BLTP3B: variants seen among roughly 807,000 people sequenced by gnomAD.
The protein encoded by BLTP3B is bridge-like lipid transfer protein family member 3B, also known as UHRF1 (ICBP90) binding protein 1-like.
chr12:100,040,835 T>C, the BLTP3B span, among the ~76,000 whole-genome samples: 1 of 152,178 alleles, frequency 6.6e-6, no homozygotes, highest in Non-Finnish European at 1.5e-5. Context: ...ATCATAAAAC[T>C]ACCCACAAAG....
At chr12:100,057,513 C>A in the BLTP3B span, 1 of 1,404,526 alleles carries the variant, frequency 7.1e-7, no homozygotes, top group Non-Finnish European at 9.5e-7. Context: ...AAAAGCATCC[C>A]TTTTCTCCTA....
At chr12:100,096,268 T>C in the BLTP3B span, among the ~76,000 whole-genome samples, 1 of 150,206 alleles carries the variant, frequency 6.7e-6, no homozygotes, top group South Asian at 2.1e-4. Flanking sequence ...AAAAAAAAAG[T>C]AGTAGTATTT....
At chr12:100,121,095 C>A in the BLTP3B span, among the ~76,000 whole-genome samples, 2 of 152,054 alleles carry the variant, frequency 1.3e-5, no homozygotes, top group African/African-American at 4.8e-5. Flanking sequence ...CGCCTGTAAT[C>A]CCAGCACTTT....
At chr12:100,117,564 G>A in the BLTP3B span, among the ~76,000 whole-genome samples, 1 of 152,066 alleles carries the variant, frequency 6.6e-6, no homozygotes, top group African/African-American at 2.4e-5. Flanking sequence ...CTGGGCTCAA[G>A]TGATCCTCCC....
At chr12:100,125,382 G>A in the BLTP3B span, among the ~76,000 whole-genome samples, 1 of 151,604 alleles carries the variant, frequency 6.6e-6, no homozygotes, top group Non-Finnish European at 1.5e-5. Context: ...GGGTATGGTG[G>A]CTAACGACTA....
the BLTP3B span, among the ~76,000 whole-genome samples, chr12:100,119,279 G>C: frequency 6.6e-6 from 1 of 150,400 alleles, no homozygotes; most frequent in East Asian, 1.9e-4. Flanking sequence ...AAATACTGTT[G>C]CAAGAAATTG....
At chr12:100,088,804 T>C in the BLTP3B span, 4 of 865,432 alleles carry the variant, frequency 4.6e-6, no homozygotes, top group Non-Finnish European at 6.6e-6. Context: ...TGAACACAAT[T>C]ATGACAAATT....
the BLTP3B span, chr12:100,070,018 G>A: frequency 8.0e-7 from 1 of 1,251,720 alleles, no homozygotes. Context: ...AGGGGCAAAG[G>A]GGAGCAGTGT....
the BLTP3B span, chr12:100,142,817 T>G: frequency 2.4e-6 from 2 of 849,610 alleles, no homozygotes; most frequent in Non-Finnish European, 3.4e-6. Flanking sequence ...AGCATCACGC[T>G]CAGGCCGCCA....
chr12:100,110,318 C>T, the BLTP3B span, among the ~76,000 whole-genome samples: 7 of 152,264 alleles, frequency 4.6e-5, no homozygotes, highest in African/African-American at 1.7e-4. Context: ...CTGAGAAATA[C>T]AACAATCATT....
chr12:100,037,616 A>G, the BLTP3B span: 2 of 1,606,302 alleles, frequency 1.2e-6, no homozygotes, highest in African/African-American at 2.7e-5. Flanking sequence ...CTATAATTTC[A>G]GTTTTGACTG....
chr12:100,089,218 A>G, the BLTP3B span: 5 of 801,210 alleles, frequency 6.2e-6, no homozygotes, highest in African/African-American at 1.8e-5. Context: ...TTTTTCATCA[A>G]TAATATATTT....
At chr12:100,092,873 C>T in the BLTP3B span, 6 of 983,114 alleles carry the variant, frequency 6.1e-6, no homozygotes, top group Non-Finnish European at 7.2e-6. Context: ...TTTCCTTATA[C>T]TTTTTCAGCT....
At chr12:100,074,033 GAGAA>G in the BLTP3B span, among the ~76,000 whole-genome samples, 11 of 152,148 alleles carry the variant, frequency 7.2e-5, no homozygotes, top group Non-Finnish European at 1.5e-5. Context: ...AATCAGGCAA[GAGAA>G]AGAAAGAAAG....
the BLTP3B span, among the ~76,000 whole-genome samples, chr12:100,096,303 A>G: frequency 6.6e-6 from 1 of 152,150 alleles, no homozygotes; most frequent in South Asian, 2.1e-4. Flanking sequence ...ATATGAAAGG[A>G]ATATCACCTA....
the BLTP3B span, among the ~76,000 whole-genome samples, chr12:100,067,768 G>A: frequency 6.6e-6 from 1 of 151,978 alleles, no homozygotes; most frequent in Non-Finnish European, 1.5e-5. Context: ...CCTAACCAAG[G>A]AAGTAAAAGA....
chr12:100,111,778 G>C, the BLTP3B span, among the ~76,000 whole-genome samples: 1 of 151,860 alleles, frequency 6.6e-6, no homozygotes, highest in Non-Finnish European at 1.5e-5. Context: ...GCTAATTTTT[G>C]TATTTTTAGT....
chr12:100,048,393 T>C, the BLTP3B span, among the ~76,000 whole-genome samples: 1 of 152,160 alleles, frequency 6.6e-6, no homozygotes, highest in African/African-American at 2.4e-5. Context: ...ATAATGTTGA[T>C]TTTTCTGTAT....
At chr12:100,079,769 T>C in the BLTP3B span, among the ~76,000 whole-genome samples, 1 of 152,332 alleles carries the variant, frequency 6.6e-6, no homozygotes, top group South Asian at 2.1e-4. Flanking sequence ...CCTCCCATTA[T>C]AGGCCCAGAG....
Sources: allele counts gnomAD v4.1 joint callset (sites outside exome capture counted in the v4.1 genomes callset), GRCh38; gene constraint gnomAD v4.1.1; transcripts MANE v1.5; gene names NCBI Gene and HGNC (gene_info 2026-07-23, HGNC 2026-07-21).